The following PSTPIP1 variants were observed in gnomAD, a reference collection of about 807,000 sequenced individuals.
PSTPIP1 encodes proline-serine-threonine phosphatase-interacting protein 1.
Under a neutral mutation model 69.6 loss-of-function variants are expected in PSTPIP1, and 66 were observed. That is an observed-to-expected ratio of 0.95 (90% CI 0.78 to 1.16). PSTPIP1 has a LOEUF of 1.16. Ranked by LOEUF, PSTPIP1 falls within the 50% of genes most tolerant of loss-of-function variation. The pLI is 0.00. For missense variants in PSTPIP1, 603 were observed against 557.4 expected, an observed-to-expected ratio of 1.08 and a Z score of -0.82; for synonymous variants, 266 against 222.7, an observed-to-expected ratio of 1.19 and a Z score of -1.73.
intron 1 of PSTPIP1, among the ~76,000 whole-genome samples, chr15:77,003,327 C>T (rs558204033): frequency 6.6e-6 from 1 of 152,164 alleles, no homozygotes; most frequent in Non-Finnish European, 1.5e-5. Context: ...CACCAGGACT[C>T]TCCTCTGGGT....
intron 1 of PSTPIP1, among the ~76,000 whole-genome samples, chr15:77,011,284 T>G (rs911602963): frequency 6.6e-6 from 1 of 152,240 alleles, no homozygotes; most frequent in African/African-American, 2.4e-5. Flanking sequence ...GCCTGTGTTG[T>G]CCCTTCAGTG....
chr15:77,004,278 G>A (rs2075771452), intron 1 of PSTPIP1, among the ~76,000 whole-genome samples: 1 of 152,232 alleles, frequency 6.6e-6, no homozygotes. Context: ...GGCACACTGA[G>A]CAATGGGTGA....
intron 12 of PSTPIP1, among the ~76,000 whole-genome samples, chr15:77,033,832 C>A (rs554428114): frequency 6.7e-4 from 102 of 152,102 alleles, no homozygotes; most frequent in African/African-American, 2.4e-3. Context: ...CACACACACA[C>A]CCTCTTTGAG....
At chr15:77,018,389 C>G (rs1008383018) in intron 2 of PSTPIP1, 68 bp from the exon 3 acceptor site, 6 of 1,546,754 alleles carry the variant, frequency 3.9e-6, no homozygotes, top group Non-Finnish European at 4.4e-6. Context: ...TCTGTGTTCC[C>G]TCAAACCTGG....
At chr15:77,028,257 G>A (rs928508028) in intron 6 of PSTPIP1, 15 of 498,390 alleles carry the variant, frequency 3.0e-5, no homozygotes, top group African/African-American at 5.8e-5. Flanking sequence ...AGGGCGCGGC[G>A]TGGCGAGGGG....
chr15:77,003,313 C>A (rs1052422765), intron 1 of PSTPIP1, among the ~76,000 whole-genome samples: 1 of 152,046 alleles, frequency 6.6e-6, no homozygotes, highest in South Asian at 2.1e-4. Flanking sequence ...CCCTGGGCTG[C>A]CCACACCAGG....
chr15:77,019,113 G>A (rs2076112420), intron 3 of PSTPIP1, among the ~76,000 whole-genome samples: 1 of 152,232 alleles, frequency 6.6e-6, no homozygotes, highest in African/African-American at 2.4e-5. Context: ...AGGCCGTCAG[G>A]GAAGTGGCTC....
At chr15:77,012,155 A>G (rs1596069506) in intron 1 of PSTPIP1, among the ~76,000 whole-genome samples, 8 of 47,620 alleles carry the variant, frequency 1.7e-4, no homozygotes, top group African/African-American at 5.4e-4. Flanking sequence ...CCATCCATCC[A>G]TCCACCCACC....
intron 3 of PSTPIP1, among the ~76,000 whole-genome samples, chr15:77,020,505 T>C (rs1009213237): frequency 1.3e-5 from 2 of 152,172 alleles, no homozygotes; most frequent in African/African-American, 4.8e-5. Flanking sequence ...CAGCTGTTCC[T>C]TTCGGTGTAG....
In PSTPIP1 at chr15:77,027,801, G is replaced by T; in HGVS notation, c.355-51G>T. The T allele has an allele frequency of 6.5e-7, 1 of 1,549,064 alleles. No homozygotes were observed. Among genetic ancestry groups the T allele is most frequent in the African/African-American group, 1.4e-5 (1 of 73,130 alleles). ...GGACACTCCGTCCTCTTGGCCTAGGGGAGCCTCCCGAGGCCGCGGCCCTCG... is the reference window on the plus strand; with the variant it reads ...GGACACTCCGTCCTCTTGGCCTAGGTGAGCCTCCCGAGGCCGCGGCCCTCG... On this transcript the variant is annotated intron_variant, in intron 5 of 14. Transcript: ENST00000558012. This position sits in a 1 kb window ranked among gnomAD's most constrained non-coding sequence, Gnocchi z 4.3.
intron 1 of PSTPIP1, among the ~76,000 whole-genome samples, chr15:77,011,358 G>A (rs1181311609): frequency 3.3e-5 from 5 of 152,226 alleles, no homozygotes; most frequent in Admixed American, 3.3e-4. Context: ...CCACGGGCCT[G>A]TGGGCCTCCC....
At chr15:77,029,483 G>A (rs2152686712) in intron 7 of PSTPIP1, 46 bp from the exon 8 acceptor site, 2 of 1,553,800 alleles carry the variant, frequency 1.3e-6, no homozygotes, top group Non-Finnish European at 1.7e-6. Flanking sequence ...GTGGGCCCTG[G>A]CTCCTGGGGC....
Position 77,035,840 on chromosome 15 carries a change from G to A in PSTPIP1, c.1024G>A (p.Glu342Lys), listed in dbSNP as rs774437204. 8.1e-6 allele frequency: 13 copies of A among 1,610,394 alleles called. No individual in the cohort carries two copies. The highest frequency in any genetic ancestry group is 2.2e-5 in the East Asian group (1 of 44,862). Residue 342 changes from glutamate (E) to lysine (K), a missense_variant, in exon 14 of 15, where the codon GAG (glutamate) becomes AAG (lysine). Coordinates refer to ENST00000558012, the MANE Select transcript of PSTPIP1 (RefSeq NM_003978.5). Reference sequence around the variant, plus strand: ...CCTGACCCCCACCCCCGAGCGGAATGAGGGTGTCTACACAGCCATCGCAGT... The same window carrying A: ...CCTGACCCCCACCCCCGAGCGGAATAAGGGTGTCTACACAGCCATCGCAGT... ...ETLTPTPERN[E>K]GVYTAIAVQE...
At chr15:77,007,539 G>A (rs2075839479) in intron 1 of PSTPIP1, among the ~76,000 whole-genome samples, 1 of 152,054 alleles carries the variant, frequency 6.6e-6, no homozygotes, top group Admixed American at 6.5e-5. Flanking sequence ...AGCCCAGGAG[G>A]TCGAGGTTGC....
At chr15:77,001,234 G>A (rs1326425465) in intron 1 of PSTPIP1, among the ~76,000 whole-genome samples, 3 of 152,246 alleles carry the variant, frequency 2.0e-5, no homozygotes, top group Non-Finnish European at 4.4e-5. Context: ...TCTTTGGGCA[G>A]AGGAGGCTAA....
chr15:77,032,592 C>T lies in PSTPIP1; in HGVS notation c.838+198C>T, dbSNP rs750526205. ...TCAGGCAAAGCTAAGGGCATGATGG[C>T]ACTCAGAGGAAGAGGTGGGGATGGG... On this transcript the variant is annotated intron_variant, in intron 11 of 14. Coordinates refer to ENST00000558012, the MANE Select transcript of PSTPIP1 (RefSeq NM_003978.5). The T allele has an allele frequency of 1.7e-5, 11 of 639,204 alleles. No homozygotes were observed. In the East Asian group the frequency reaches 3.0e-4, roughly 18 times the overall value. 39.6% of individuals were successfully genotyped at this position (639,204 alleles called of 1,614,324 possible).
At chr15:77,032,559 GCCT>G (rs2076447295) in intron 11 of PSTPIP1, 165 bp downstream of exon 11, 2 of 705,588 alleles carry the variant, frequency 2.8e-6, no homozygotes, top group Non-Finnish European at 2.4e-6. Context: ...CAGGCCTGCT[GCCT>G]CCTCTCAGGC....
chr15:77,000,059 C>G (rs886155298), intron 1 of PSTPIP1, among the ~76,000 whole-genome samples: 2 of 152,226 alleles, frequency 1.3e-5, no homozygotes, highest in Non-Finnish European at 2.9e-5. Flanking sequence ...GAACTTTCCC[C>G]TTGACATGTG....
At position 77,032,857 on chromosome 15, in the gene PSTPIP1, T is replaced by G; in HGVS notation, c.839-5T>G. On this transcript the variant is annotated splice_region_variant and splice_polypyrimidine_tract_variant and intron_variant, in intron 11 of 14. Transcript: ENST00000558012. The stretch of plus-strand genomic sequence containing the variant: ...GCCCTGGGGCTCACGGCTTGCTGTC[T>G]GCAGCTCCGGTGCCCTACCAGAACT... 1.3e-6 allele frequency: 2 copies of G among 1,568,334 alleles called. No homozygotes were observed. Among genetic ancestry groups the G allele is most frequent in the Non-Finnish European group, 1.7e-6 (2 of 1,156,872 alleles).
Sources: gnomAD v4.1 joint callset for allele counts (sites outside exome capture counted in the v4.1 genomes callset) on GRCh38, gnomAD v4.1.1 for gene constraint, Gnocchi (gnomAD v3.1) non-coding constraint, MANE v1.5 for transcripts, NCBI Gene and HGNC (gene_info 2026-07-23, HGNC 2026-07-21) for gene names.